The following ATP9B variants were observed in gnomAD, a reference collection of about 807,000 sequenced individuals.
ATP9B encodes the protein probable phospholipid-transporting ATPase IIB.
ATP9B carries 110 observed loss-of-function variants against 146.1 expected under a neutral mutation model. The ratio of observed to expected loss-of-function variants is 0.75; its 90% CI spans 0.65 to 0.88. The LOEUF (loss-of-function observed/expected upper bound fraction) is 0.88, where lower values mean the gene tolerates loss of function less well. Among genes scored for constraint, ATP9B ranks in the 40% least tolerant of loss-of-function variants. The pLI is 0.00. For synonymous variants in ATP9B, 604 were observed against 569.7 expected, an observed-to-expected ratio of 1.06 and a Z score of -0.86; for missense variants, 1,499 against 1,496.4, an observed-to-expected ratio of 1.00 and a Z score of -0.03.
At chr18:79,335,223 G>A (rs970201801) in intron 17 of ATP9B, among the ~76,000 whole-genome samples, 1 of 152,174 alleles carries the variant, frequency 6.6e-6, no homozygotes, top group Non-Finnish European at 1.5e-5. Flanking sequence ...CCTGACCCTC[G>A]TTCATGTAAG....
intron 1 of ATP9B, among the ~76,000 whole-genome samples, chr18:79,081,014 G>A (rs1008304033): frequency 6.6e-6 from 1 of 152,064 alleles, no homozygotes; most frequent in Non-Finnish European, 1.5e-5. Context: ...TGCTGGATTC[G>A]GTTTGCCAGT....
chr18:79,103,201 A>G (rs2075404829), intron 2 of ATP9B, among the ~76,000 whole-genome samples: 1 of 151,992 alleles, frequency 6.6e-6, no homozygotes, highest in Non-Finnish European at 1.5e-5. Flanking sequence ...GTATTGCAGC[A>G]TTAAGCAGAT....
chr18:79,133,419 A>C (rs1261157695), intron 5 of ATP9B, among the ~76,000 whole-genome samples: 1 of 152,068 alleles, frequency 6.6e-6, no homozygotes, highest in Non-Finnish European at 1.5e-5. Flanking sequence ...TATTTCATGA[A>C]CACCTTCCAT....
chr18:79,080,474 C>T (rs565370509), intron 1 of ATP9B, among the ~76,000 whole-genome samples: 1 of 152,008 alleles, frequency 6.6e-6, no homozygotes, highest in East Asian at 1.9e-4. Context: ...GTGATTTTTG[C>T]ACATTGATTT....
chr18:79,188,110 T>TGCAAATGTAAAAGCCCAGC (rs2095326107), intron 8 of ATP9B, among the ~76,000 whole-genome samples: 1 of 152,054 alleles, frequency 6.6e-6, no homozygotes, highest in Non-Finnish European at 1.5e-5. Flanking sequence ...GAAAGCCCGG[T>TGCAAATGTAAAAGCCCAGC]GCAAATGTAA....
intron 21 of ATP9B, among the ~76,000 whole-genome samples, chr18:79,344,799 C>T (rs549896374): frequency 7.3e-4 from 111 of 152,308 alleles, no homozygotes; most frequent in African/African-American, 2.4e-3. Flanking sequence ...GGAGGAGGAG[C>T]GACAAGAGCC....
At chr18:79,273,265 C>G (rs1444493803) in intron 12 of ATP9B, among the ~76,000 whole-genome samples, 1 of 152,144 alleles carries the variant, frequency 6.6e-6, no homozygotes, top group East Asian at 1.9e-4. Flanking sequence ...GGAGAGAGGT[C>G]TAAACTAGGC....
intron 7 of ATP9B, among the ~76,000 whole-genome samples, chr18:79,163,869 T>TACACACACACACACACACACACACACAC (rs56408063): frequency 1.6e-4 from 23 of 142,678 alleles, no homozygotes; most frequent in Non-Finnish European, 3.3e-4. Flanking sequence ...TTTTATTTTA[T>TACACACACACACACACACACACACACAC]ACACACACAC....
At chr18:79,167,751 G>T (rs1277715700) in intron 7 of ATP9B, among the ~76,000 whole-genome samples, 2 of 152,140 alleles carry the variant, frequency 1.3e-5, no homozygotes, top group African/African-American at 4.8e-5. Flanking sequence ...CCTCACTTCC[G>T]GCAGTGGACC....
rs189610146 is a variant in ATP9B at position 79,280,336 on chromosome 18, A to T, written c.1411+3140A>T. On this transcript the variant is annotated intron_variant, in intron 13 of 29. Transcript: ENST00000426216. ...TCAAGCTGTAAATAAAAGAAACATT[A>T]AAAAAAGCATGTAGACCAATATGAA... Among the ~76,000 whole-genome samples the T allele has an allele frequency of 6.6e-3, 1,006 of 152,276 alleles. 5 individuals carry two copies. The highest frequency in any genetic ancestry group is 0.023 in the African/African-American group (941 of 41,578).
chr18:79,321,370 T>C (rs188805204), intron 15 of ATP9B, among the ~76,000 whole-genome samples: 1 of 140,860 alleles, frequency 7.1e-6, no homozygotes, highest in Admixed American at 7.8e-5. Context: ...TTCTTGTAGT[T>C]ATTTCATCTA....
chr18:79,221,973 A>C (rs1335115347), intron 11 of ATP9B, among the ~76,000 whole-genome samples: 1 of 151,202 alleles, frequency 6.6e-6, no homozygotes, highest in African/African-American at 2.4e-5. Flanking sequence ...TTTTAAACAT[A>C]CAGAAAACTA....
In ATP9B at chr18:79,194,865, T is replaced by C. The variant is rs558985852; in HGVS notation, c.954+1602T>C. Among the ~76,000 whole-genome samples, 59 of 152,302 alleles carry C rather than the reference T, an allele frequency of 3.9e-4. 1 individual carries two copies. The South Asian group carries it at 0.011, about 29-fold the overall frequency. On this transcript the variant is annotated intron_variant, in intron 9 of 29. Transcript: ENST00000426216. ...AGGAGATTGTCTTGGGATGCTGATA[T>C]CATCCAGGTTTTGCACACAGAAGAA...
intron 8 of ATP9B, among the ~76,000 whole-genome samples, chr18:79,189,408 C>T (rs1342853726): frequency 6.6e-6 from 1 of 151,978 alleles, no homozygotes; most frequent in Non-Finnish European, 1.5e-5. Flanking sequence ...TTGTACTATA[C>T]ATTCCCCTTG....
chr18:79,155,416 C>G (rs2094759283), intron 7 of ATP9B, among the ~76,000 whole-genome samples: 1 of 152,134 alleles, frequency 6.6e-6, no homozygotes, highest in African/African-American at 2.4e-5. Context: ...AATTGGGAAA[C>G]CTGAGTTTAA....
intron 13 of ATP9B, among the ~76,000 whole-genome samples, chr18:79,293,373 G>A (rs962177636): frequency 9.2e-5 from 14 of 152,144 alleles, no homozygotes; most frequent in African/African-American, 3.4e-4. Flanking sequence ...TAAGAGGCAA[G>A]TGGGTCATGA....
chr18:79,277,265 A>T, intron 13 of ATP9B, 69 bp downstream of exon 13: 1 of 1,568,282 alleles, frequency 6.4e-7, no homozygotes, highest in South Asian at 1.1e-5. Flanking sequence ...AGCATAGCGT[A>T]TAGATATATG....
chr18:79,109,564 CTTT>C (rs34940699), intron 2 of ATP9B, among the ~76,000 whole-genome samples: 8 of 129,844 alleles, frequency 6.2e-5, no homozygotes, highest in Admixed American at 1.6e-4. Context: ...ATTGAGCTGT[CTTT>C]TTTTTTTTTT....
chr18:79,290,076 C>A (rs935246235), intron 13 of ATP9B, among the ~76,000 whole-genome samples: 1 of 152,166 alleles, frequency 6.6e-6, no homozygotes, highest in Non-Finnish European at 1.5e-5. Flanking sequence ...CAGGGACCCA[C>A]TTGAGGAGGC....
Sources: allele counts gnomAD v4.1 joint callset (sites outside exome capture counted in the v4.1 genomes callset), GRCh38; gene constraint gnomAD v4.1.1; transcripts MANE v1.5; gene names NCBI Gene and HGNC (gene_info 2026-07-23, HGNC 2026-07-21).